DEPDC5: variants seen among roughly 807,000 people sequenced by gnomAD.
The protein encoded by DEPDC5 is GATOR1 complex protein DEPDC5.
A neutral mutation model predicts 217.3 loss-of-function variants in DEPDC5; 73 were observed. The observed-to-expected ratio is 0.34, with a 90% CI of 0.28 to 0.41. The LOEUF (loss-of-function observed/expected upper bound fraction) is 0.41. Among genes scored for constraint, DEPDC5 ranks in the 10% least tolerant of loss-of-function variants. The pLI, the probability that DEPDC5 is intolerant of heterozygous loss-of-function variation, is 1.00. For synonymous variants in DEPDC5, 733 were observed against 756.7 expected, an observed-to-expected ratio of 0.97 and a Z score of 0.51; for missense variants, 1,675 against 2,070.1, an observed-to-expected ratio of 0.81 and a Z score of 3.70.
At chr22:31,842,334 G>A (rs76128137) in intron 27 of DEPDC5, among the ~76,000 whole-genome samples, 2 of 152,162 alleles carry the variant, frequency 1.3e-5, no homozygotes, top group Non-Finnish European at 2.9e-5. Flanking sequence ...CCAGCACTTC[G>A]GGAGGCCGAG....
intron 10 of DEPDC5, 165 bp downstream of exon 10, chr22:31,785,040 A>G (rs2084839879): frequency 1.7e-6 from 1 of 595,524 alleles, no homozygotes; most frequent in Middle Eastern, 4.7e-4. Context: ...GAATTTATGA[A>G]AAACACAAAG....
intron 40 of DEPDC5, among the ~76,000 whole-genome samples, chr22:31,898,772 C>T (rs2093598687): frequency 6.6e-6 from 1 of 152,172 alleles, no homozygotes; most frequent in African/African-American, 2.4e-5. Context: ...ACACAATGTT[C>T]TAAGTGATAA....
intron 4 of DEPDC5, among the ~76,000 whole-genome samples, chr22:31,761,019 T>G (rs904210638): frequency 6.6e-6 from 1 of 151,726 alleles, no homozygotes; most frequent in Non-Finnish European, 1.5e-5. Context: ...TCTTGTTCTG[T>G]CACCCAGGTT....
At chr22:31,877,490 G>A (rs136868) in intron 37 of DEPDC5, among the ~76,000 whole-genome samples, 58,562 of 135,342 alleles carry the variant, frequency 0.43, 12,561 homozygotes, top group East Asian at 0.61. Flanking sequence ...AGTGGCTCAC[G>A]CTTGTAATCC....
intron 40 of DEPDC5, among the ~76,000 whole-genome samples, chr22:31,900,153 T>C (rs1432499134): frequency 6.6e-6 from 1 of 151,824 alleles, no homozygotes; most frequent in Non-Finnish European, 1.5e-5. Context: ...TTCAAGTGAG[T>C]CTCCTGCCAC....
At position 31,907,541 on chromosome 22, in the gene DEPDC5, C is replaced by T. The variant is rs1395689557; in HGVS notation, c.*1044C>T. ...TAGCTGGGATTACAGGCACCTGCCACCATACCAGGCTAATTTTTTGTATTT... is the reference window on the plus strand; with the variant it reads ...TAGCTGGGATTACAGGCACCTGCCATCATACCAGGCTAATTTTTTGTATTT... On this transcript the variant is annotated 3_prime_UTR_variant, in exon 43 of 43. Transcript: ENST00000651528. 1 of 152,330 alleles carries T rather than the reference C, an allele frequency of 6.6e-6. No homozygotes were observed. The highest frequency in any genetic ancestry group is 2.4e-5 in the African/African-American group (1 of 41,544). 9.4% of individuals were successfully genotyped at this position (152,330 alleles called of 1,614,324 possible).
chr22:31,759,147 G>T (rs2082170724), intron 3 of DEPDC5, among the ~76,000 whole-genome samples: 1 of 152,038 alleles, frequency 6.6e-6, no homozygotes, highest in Admixed American at 6.6e-5. Flanking sequence ...GCCCAGGCTG[G>T]TCTTGAACTC....
chr22:31,864,592 T>G (rs1602536055), intron 33 of DEPDC5, among the ~76,000 whole-genome samples: 2 of 150,588 alleles, frequency 1.3e-5, no homozygotes, highest in Non-Finnish European at 3.0e-5. Context: ...ATAATTTCTT[T>G]GTAGGGTTGT....
chr22:31,756,347 T>G (rs1310156085), intron 2 of DEPDC5, among the ~76,000 whole-genome samples: 1 of 152,198 alleles, frequency 6.6e-6, no homozygotes, highest in African/African-American at 2.4e-5. Flanking sequence ...AGCAGAGTGT[T>G]AGACTCTGTG....
In DEPDC5 at chr22:31,758,160, C is replaced by T. The variant is rs1399453711; in HGVS notation, c.59-386C>T. ...GGGAAATTCTTTGAACATTGAATAA[C>T]TGTAACGAATTGTGCTGTATCTGTG... On this transcript the variant is annotated intron_variant, in intron 2 of 42. Transcript: ENST00000651528. Among the ~76,000 whole-genome samples the T allele has an allele frequency of 2.6e-5, 4 of 152,166 alleles. No individual in the cohort carries two copies. In the East Asian group the frequency reaches 5.8e-4, roughly 22 times the overall value.
intron 27 of DEPDC5, among the ~76,000 whole-genome samples, chr22:31,839,420 A>T (rs1210154995): frequency 1.3e-5 from 2 of 151,594 alleles, no homozygotes; most frequent in Non-Finnish European, 3.0e-5. Context: ...TAACAGAGGG[A>T]ATTAAGTGCA....
intron 2 of DEPDC5, among the ~76,000 whole-genome samples, chr22:31,758,246 G>T (rs1270323200): frequency 6.6e-6 from 1 of 152,126 alleles, no homozygotes; most frequent in Non-Finnish European, 1.5e-5. Context: ...GGGGTAAAAG[G>T]CTGTCCAGAA....
At chr22:31,762,440 G>A (rs2082473552) in intron 4 of DEPDC5, among the ~76,000 whole-genome samples, 1 of 152,148 alleles carries the variant, frequency 6.6e-6, no homozygotes, top group Non-Finnish European at 1.5e-5. Context: ...TAGTTCTTAA[G>A]AGAAAAAAAC....
At chr22:31,827,444 C>G (rs2148872324) in intron 24 of DEPDC5, among the ~76,000 whole-genome samples, 1 of 152,312 alleles carries the variant, frequency 6.6e-6, no homozygotes, top group Non-Finnish European at 1.5e-5. Context: ...TTAGCCTGGC[C>G]TAAGGTGCCA....
rs1018556301 is a variant in DEPDC5 at position 31,814,523 on chromosome 22, G to A, written c.1446-469G>A. ...AATGTCTTGCTTTCTACATTTGGCT[G>A]ATTGTTGCCTTGTAGTGTTTCAGTT... On this transcript the variant is annotated intron_variant, in intron 20 of 42. Coordinates refer to ENST00000651528, the MANE Select transcript of DEPDC5 (RefSeq NM_001242896.3). The A allele has an allele frequency of 9.3e-5, 15 of 161,704 alleles. 1 individual carries two copies. In the South Asian group the frequency reaches 2.1e-3, roughly 23 times the overall value. 10.0% of individuals were successfully genotyped at this position (161,704 alleles called of 1,614,324 possible).
At chr22:31,889,191 T>C (rs1450045988) in intron 38 of DEPDC5, among the ~76,000 whole-genome samples, 1 of 152,248 alleles carries the variant, frequency 6.6e-6, no homozygotes, top group Non-Finnish European at 1.5e-5. Flanking sequence ...TTTATTGGTC[T>C]TGTGTGAATA....
intron 5 of DEPDC5, among the ~76,000 whole-genome samples, chr22:31,765,905 C>T (rs917367211): frequency 1.3e-5 from 2 of 152,142 alleles, no homozygotes; most frequent in African/African-American, 4.8e-5. Flanking sequence ...CCCCTGAAGT[C>T]CCATCTACTC....
At chr22:31,775,759 A>T (rs1433771104) in intron 7 of DEPDC5, among the ~76,000 whole-genome samples, 1 of 151,980 alleles carries the variant, frequency 6.6e-6, no homozygotes, top group Non-Finnish European at 1.5e-5. Flanking sequence ...GCTCTGTAGA[A>T]GGCTGGGCAC....
intron 41 of DEPDC5, among the ~76,000 whole-genome samples, chr22:31,902,300 C>T (rs1051921753): frequency 1.3e-5 from 2 of 151,606 alleles, no homozygotes; most frequent in African/African-American, 2.4e-5. Context: ...CATCACCAGC[C>T]TGGTATCTGA....
Sources: gnomAD v4.1 joint callset for allele counts (sites outside exome capture counted in the v4.1 genomes callset) on GRCh38, gnomAD v4.1.1 for gene constraint, MANE v1.5 for transcripts, NCBI Gene and HGNC (gene_info 2026-07-23, HGNC 2026-07-21) for gene names.